Variants in PLXNB3 observed in about 807,000 individuals in gnomAD.
The protein encoded by PLXNB3 is plexin B3.
Under a neutral mutation model 125.7 loss-of-function variants are expected in PLXNB3, and 80 were observed. The observed-to-expected ratio is 0.64, with a 90% CI of 0.53 to 0.77. The LOEUF (loss-of-function observed/expected upper bound fraction) is 0.77, where lower values mean the gene tolerates loss of function less well. PLXNB3 is among the 30% of genes least tolerant of loss of function. The probability of loss-of-function intolerance (pLI) is 0.00; values close to 1 mark genes in which losing one functional copy is unlikely to be tolerated. For missense variants in PLXNB3, 1,836 were observed against 1,729.3 expected (o/e 1.06, Z -1.09); for synonymous variants, 954 against 783.3 (o/e 1.22, Z -3.64).
chrX:153,775,940 G>A lies in PLXNB3; in HGVS notation c.4455G>A (p.Val1485=). The A allele has an allele frequency of 8.3e-7, 1 of 1,211,428 alleles. No individual in the cohort carries two copies. The highest frequency in any genetic ancestry group is 1.1e-6 in the Non-Finnish European group (1 of 895,493). ...YMLFRAIQYQ[V]DKGPVDAVTG... ...TCTTCCGGGCCATCCAGTACCAGGT[G>A]GACAAAGGCCCCGTGGACGCCGTGA... is the stretch of plus-strand genomic sequence containing the variant. The change falls in exon 27 of 36, where the codon GTG becomes GTA. Residue 1485 remains valine, a synonymous_variant. Transcript: ENST00000361971.
Position 153,777,703 on chromosome X carries a change from G to GC in PLXNB3, c.5261+19dup. 1 of 1,206,528 alleles carries GC rather than the reference G, an allele frequency of 8.3e-7. No individual in the cohort carries two copies. Among genetic ancestry groups the GC allele is most frequent in the South Asian group, 1.8e-5 (1 of 56,551 alleles). On this transcript the variant is annotated intron_variant, in intron 31 of 35. Coordinates refer to ENST00000361971, the MANE Select transcript of PLXNB3 (RefSeq NM_005393.3). Reference sequence around the variant, plus strand: ...AAGACCAACAGGTGCCTTTCCTGCTGCCCCACCCCTGCTGTGCATATGGTC... The same window carrying GC: ...AAGACCAACAGGTGCCTTTCCTGCTGCCCCCACCCCTGCTGTGCATATGGTC...
chrX:153,770,767 C>A lies in PLXNB3; in HGVS notation c.2020C>A (p.Gln674Lys). 8.3e-7 allele frequency: 1 copy of A among 1,205,241 alleles called. No homozygotes were observed. The highest frequency in any genetic ancestry group is 1.1e-6 in the Non-Finnish European group (1 of 890,885). The change falls in exon 11 of 36, where the codon CAG becomes AAG. Residue 674 changes from glutamine to lysine, a missense_variant. Transcript: ENST00000361971. ...GCTCTTGTTTTCCCAGGTGGACATC[C>A]AGGTGCGTGGCCCAGGGGCTTGCCC... ...TIYSAQEVDI[Q>K]VRGPGACPQV...
At position 153,777,528 on chromosome X, in the gene PLXNB3, G is replaced by A; in HGVS notation, c.5101G>A (p.Gly1701Ser). Reference sequence around the variant, plus strand: ...ACAGCCCTTATCCCCTGCCTCGCAGGGCACGCTGCAGAAGTTTGTGGACGA... The same window carrying A: ...ACAGCCCTTATCCCCTGCCTCGCAGAGCACGCTGCAGAAGTTTGTGGACGA... ...IYLTRLLSMK[G>S]TLQKFVDDTF... Residue 1701 changes from glycine to serine, a missense_variant and splice_region_variant, in exon 31 of 36, where the codon GGC becomes AGC. By Grantham distance (56) the Gly-to-Ser change is moderately conservative. Transcript: ENST00000361971. The A allele has an allele frequency of 1.7e-6, 2 of 1,211,201 alleles. No homozygotes were observed. The highest frequency in any genetic ancestry group is 2.2e-6 in the Non-Finnish European group (2 of 895,207).
rs782213788 is a variant in PLXNB3 at position 153,770,111 on chromosome X, G to A, written c.1649G>A (p.Arg550Gln). ...TCCCAGGTCACTTTGTCTGTCCCCCGGCTGCCCATCCTGGATGCAGATGAA... is the reference window on the plus strand; with the variant it reads ...TCCCAGGTCACTTTGTCTGTCCCCCAGCTGCCCATCCTGGATGCAGATGAA... ...EQGQVTLSVP[R>Q]LPILDADEYF... The change falls in exon 8 of 36, where the codon CGG becomes CAG. Residue 550 changes from arginine (R) to glutamine (Q), a missense_variant. Arg to Gln is a conservative substitution (Grantham distance 43, BLOSUM62 1). Transcript: ENST00000361971. The A allele has an allele frequency of 1.9e-5, 23 of 1,209,944 alleles. No individual in the cohort carries two copies. The highest frequency in any genetic ancestry group is 3.5e-5 in the South Asian group (2 of 56,870).
At position 153,771,360 on chromosome X, in the gene PLXNB3, C is replaced by T. The variant is rs781976267; in HGVS notation, c.2304C>T (p.Thr768=). The part of the protein sequence containing the change: ...QRELPVPIYV[T]QGEAQRLDNT... The stretch of plus-strand genomic sequence containing the variant: ...AGCTCCCAGTGCCCATCTACGTCAC[C>T]CAGGGTGAAGCCCAGAGGCTGGACA... Residue 768 remains threonine, a synonymous_variant, in exon 13 of 36, where the codon ACC becomes ACT. Transcript: ENST00000361971. 8.3e-7 allele frequency: 1 copy of T among 1,209,722 alleles called. No homozygotes were observed. Among genetic ancestry groups the T allele is most frequent in the African/African-American group, 1.7e-5 (1 of 57,581 alleles).
chrX:153,769,767 TAGGAC>T (rs2091905637), intron 6 of PLXNB3, 35 bp from the exon 7 acceptor site: 2 of 1,181,376 alleles, frequency 1.7e-6, no homozygotes, highest in African/African-American at 3.5e-5. Context: ...CCTTGGAGTC[TAGGAC>T]CCCCACGGTG....
At chrX:153,770,907 A>G in intron 11 of PLXNB3, 24 bp downstream of exon 11, 1 of 1,204,583 alleles carries the variant, frequency 8.3e-7, no homozygotes, top group African/African-American at 1.7e-5. Flanking sequence ...AGGGAAGGGG[A>G]CAGGGCAGTG....
chrX:153,777,680 G>A lies in PLXNB3; in HGVS notation c.5253G>A (p.Lys1751=), dbSNP rs1557064969. Residue 1751 remains lysine (K), a synonymous_variant, in exon 31 of 36, where the codon AAG becomes AAA. Transcript: ENST00000361971. ...ACCCAGGGACCCTGCACATCTGGAA[G>A]ACCAACAGGTGCCTTTCCTGCTGCC... ...IEDPGTLHIW[K]TNSLLLRFWV... The A allele has an allele frequency of 1.7e-6, 2 of 1,210,818 alleles. No homozygotes were observed. Among genetic ancestry groups the A allele is most frequent in the Non-Finnish European group, 2.2e-6 (2 of 894,658 alleles).
chrX:153,774,534 C>T lies in PLXNB3; in HGVS notation c.3793C>T (p.Leu1265=). 8.3e-7 allele frequency: 1 copy of T among 1,207,993 alleles called. No homozygotes were observed. Among genetic ancestry groups the T allele is most frequent in the Non-Finnish European group, 1.1e-6 (1 of 893,967 alleles). The change falls in exon 22 of 36, where the codon CTG becomes TTG. Residue 1265 remains leucine (L), a synonymous_variant. Transcript: ENST00000361971. The part of the protein sequence containing the change: ...QAGVGMGAAV[L]IAAVLLLTLM... ...AGGCGTGGGCATGGGTGCTGCAGTG[C>T]TGATTGCCGCCGTGCTCCTCCTCAC...
chrX:153,774,484 C>A lies in PLXNB3; in HGVS notation c.3743C>A (p.Ser1248Tyr), dbSNP rs782157150. The change falls in exon 22 of 36, where the codon TCT becomes TAT. Residue 1248 changes from serine (S) to tyrosine (Y), a missense_variant. Transcript: ENST00000361971. ...CAGTACGAGGCTGAACCCCCGCTGT[C>A]TGCCTTTCCCGTGGAGGCCCAGGCA... ...PVQYEAEPPL[S>Y]AFPVEAQAGV... 18 of 1,206,633 alleles carry A rather than the reference C, an allele frequency of 1.5e-5. No individual in the cohort carries two copies. The highest frequency in any genetic ancestry group is 2.2e-5 in the Admixed American group (1 of 45,701).
intron 29 of PLXNB3, 35 bp downstream of exon 29, chrX:153,777,015 G>C: frequency 9.5e-7 from 1 of 1,056,715 alleles, no homozygotes; most frequent in Non-Finnish European, 1.3e-6. Context: ...GGCCACTGGA[G>C]TCCAGGCTGG....
Position 153,770,539 on chromosome X carries a change from G to C in PLXNB3, c.1907G>C (p.Cys636Ser). 8.3e-7 allele frequency: 1 copy of C among 1,211,059 alleles called. No individual in the cohort carries two copies. Among genetic ancestry groups the C allele is most frequent in the Non-Finnish European group, 1.1e-6 (1 of 895,315 alleles). The change falls in exon 10 of 36, where the codon TGC (cysteine) becomes TCC (serine). Residue 636 changes from cysteine (C) to serine (S), a missense_variant. By Grantham distance (112) the Cys-to-Ser change is moderately radical. Transcript: ENST00000361971. ...CCCTGCCCCTCTAGGTGTCGCGCTTGCGTGGGCAGCATCTGGCGGTGTCAC... is the reference window on the plus strand; with the variant it reads ...CCCTGCCCCTCTAGGTGTCGCGCTTCCGTGGGCAGCATCTGGCGGTGTCAC... ...ALEAAAPCRA[C>S]VGSIWRCHWC...
At chrX:153,776,785 CAG>C in intron 28 of PLXNB3, 100 bp from the exon 29 acceptor site, 1 of 420,441 alleles carries the variant, frequency 2.4e-6, no homozygotes, top group Non-Finnish European at 3.6e-6. Flanking sequence ...CGAGGCAGGG[CAG>C]GGCGGGTCTG....
rs1302142344 is a variant in PLXNB3, at chrX:153,774,890, G to A, written c.3942G>A (p.Thr1314=). 17 of 1,196,223 alleles carry A rather than the reference G, an allele frequency of 1.4e-5. No homozygotes were observed. The highest frequency in any genetic ancestry group is 4.4e-5 in the Admixed American group (2 of 44,974). The change falls in exon 24 of 36, where the codon ACG becomes ACA. Residue 1314 remains threonine, a synonymous_variant. Transcript: ENST00000361971. ...QCRKEFTDLM[T]EMTDLSSDLE... ...CTCCTGGCCCCGCAGACCTCATGACGGAGATGACCGACCTCAGCAGCGACC... is the reference window on the plus strand; with the variant it reads ...CTCCTGGCCCCGCAGACCTCATGACAGAGATGACCGACCTCAGCAGCGACC...
Position 153,771,873 on chromosome X carries a change from C to A in PLXNB3, c.2527C>A (p.Leu843Met). 8.3e-7 allele frequency: 1 copy of A among 1,208,326 alleles called. No homozygotes were observed. Reference protein sequence around the residue: ...PAPSIDAVEPLTGPPEGGLAL... With the variant: ...PAPSIDAVEPMTGPPEGGLAL... ...CATTTGCCTGCTGCAGGTCGAGCCCCTGACCGGTCCCCCTGAGGGAGGCTT... is the reference window on the plus strand; with the variant it reads ...CATTTGCCTGCTGCAGGTCGAGCCCATGACCGGTCCCCCTGAGGGAGGCTT... Residue 843 changes from leucine to methionine, a missense_variant, in exon 15 of 36, where the codon CTG becomes ATG. Coordinates refer to ENST00000361971, the MANE Select transcript of PLXNB3 (RefSeq NM_005393.3).
rs1330011301 is a variant in PLXNB3, at chrX:153,766,926, G to A, written c.99G>A (p.Leu33=). 4 of 1,209,097 alleles carry A rather than the reference G, an allele frequency of 3.3e-6. No individual in the cohort carries two copies. The highest frequency in any genetic ancestry group is 4.5e-6 in the Non-Finnish European group (4 of 895,034). The change falls in exon 3 of 36, where the codon CTG becomes CTA. Residue 33 remains leucine (L), a synonymous_variant. Transcript: ENST00000361971. ...TCGGCCTCTGCCTCCTCCTGCTGCT[G>A]CTGTCCCCACCGCCACTGCCCTTGA... is the stretch of plus-strand genomic sequence containing the variant. The part of the protein sequence containing the change: ...PPFGLCLLLL[L]LSPPPLPLTG...
intron 28 of PLXNB3, 97 bp from the exon 29 acceptor site, chrX:153,776,790 C>G (rs1281127014): frequency 2.6e-6 from 1 of 379,243 alleles, no homozygotes; most frequent in Admixed American, 6.8e-5. Context: ...CAGGGCAGGG[C>G]GGGTCTGGGG....
chrX:153,774,109 C>T lies in PLXNB3; in HGVS notation c.3519+11C>T. The T allele has an allele frequency of 8.4e-7, 1 of 1,190,111 alleles. No individual in the cohort carries two copies. Reference sequence around the variant, plus strand: ...GTCCTGGATGTGGAGGTGAGGGCCACCTTCAACCCTGCCCCGCCACGGTGC... The same window carrying T: ...GTCCTGGATGTGGAGGTGAGGGCCATCTTCAACCCTGCCCCGCCACGGTGC... On this transcript the variant is annotated intron_variant, in intron 20 of 35. Coordinates refer to ENST00000361971, the MANE Select transcript of PLXNB3 (RefSeq NM_005393.3).
intron 2 of PLXNB3, chrX:153,766,405 G>T: frequency 9.2e-7 from 1 of 1,084,048 alleles, no homozygotes; most frequent in Non-Finnish European, 1.2e-6. Context: ...TCTCTTGTCT[G>T]GGTGGTGGGC....
Sources: gnomAD v4.1 joint callset for allele counts on GRCh38, gnomAD v4.1.1 for gene constraint, MANE v1.5 for transcripts, NCBI Gene and HGNC (gene_info 2026-07-23, HGNC 2026-07-21) for gene names.